The following TXNDC8 variants were observed in gnomAD, a reference collection of about 807,000 sequenced individuals.
TXNDC8 encodes the protein thioredoxin domain containing 8, also known as thioredoxin domain-containing protein 8.
TXNDC8 carries 15 observed loss-of-function variants against 12.9 expected under a neutral mutation model. That is an observed-to-expected ratio of 1.16 (90% CI 0.78 to 1.79). The LOEUF is 1.79. Among genes scored for constraint, TXNDC8 ranks in the 40% most tolerant of loss-of-function variants. The pLI, the probability that TXNDC8 is intolerant of heterozygous loss-of-function variation, is 0.00. For missense variants in TXNDC8, 128 were observed against 113.2 expected (o/e 1.13, Z -0.59); for synonymous variants, 40 against 35.4 (o/e 1.13, Z -0.46).
chr9:110,307,118 T>A (rs1040326796), intron 3 of TXNDC8, among the ~76,000 whole-genome samples: 10 of 151,164 alleles, frequency 6.6e-5, no homozygotes, highest in East Asian at 1.9e-4. Flanking sequence ...TTTTTTTTTT[T>A]AATTTTTAAA....
chr9:110,320,832 A>G (rs558703387), intron 3 of TXNDC8, among the ~76,000 whole-genome samples: 1 of 152,204 alleles, frequency 6.6e-6, no homozygotes, highest in African/African-American at 2.4e-5. Context: ...CACCACAATT[A>G]ATCTTCCTGA....
intron 3 of TXNDC8, among the ~76,000 whole-genome samples, chr9:110,317,959 T>C (rs1353550439): frequency 6.6e-6 from 1 of 152,254 alleles, no homozygotes; most frequent in East Asian, 1.9e-4. Flanking sequence ...GACCATGCCA[T>C]GCTGGCGTGT....
intron 4 of TXNDC8, among the ~76,000 whole-genome samples, 198 bp downstream of exon 5, chr9:110,304,269 G>T (rs1838340879): frequency 2.6e-5 from 4 of 152,208 alleles, no homozygotes; most frequent in African/African-American, 7.2e-5. Flanking sequence ...CACCAGGAAT[G>T]GTGTTAGGAC....
At chr9:110,307,260 T>G (rs930074785) in intron 3 of TXNDC8, among the ~76,000 whole-genome samples, 1 of 152,090 alleles carries the variant, frequency 6.6e-6, no homozygotes, top group Non-Finnish European at 1.5e-5. Flanking sequence ...GCTTTATAGT[T>G]TTAGTATCTA....
At chr9:110,305,604 T>TC (rs1838422934) in intron 3 of TXNDC8, among the ~76,000 whole-genome samples, 1 of 128,922 alleles carries the variant, frequency 7.8e-6, no homozygotes, top group African/African-American at 3.7e-5. Flanking sequence ...CTTTCTTTCT[T>TC]TCTTTCTTTT....
chr9:110,306,972 C>T (rs999841512), intron 3 of TXNDC8, among the ~76,000 whole-genome samples: 3 of 151,996 alleles, frequency 2.0e-5, no homozygotes, highest in African/African-American at 2.4e-5. Context: ...GATGAGGTCT[C>T]GCTCTGTCAC....
intron 4 of TXNDC8, 50 bp downstream of exon 5, chr9:110,304,417 T>C (rs1372702794): frequency 1.3e-6 from 2 of 1,535,432 alleles, no homozygotes; most frequent in Non-Finnish European, 1.8e-6. Context: ...ATTTATTCCT[T>C]CAAAGTAAAC....
chr9:110,311,521 G>GTATA (rs66474968), intron 3 of TXNDC8, among the ~76,000 whole-genome samples: 5,188 of 40,746 alleles, frequency 0.13, 721 homozygotes, highest in Middle Eastern at 0.25. Flanking sequence ...AAATAAAGAG[G>GTATA]TATATATATA....
intron 2 of TXNDC8, among the ~76,000 whole-genome samples, chr9:110,331,921 G>A (rs1304588986): frequency 6.6e-6 from 1 of 152,024 alleles, no homozygotes; most frequent in Non-Finnish European, 1.5e-5. Flanking sequence ...TGGGGGTTGG[G>A]GACCCCTGAT....
chr9:110,328,762 C>T (rs956695777), intron 2 of TXNDC8, among the ~76,000 whole-genome samples: 6 of 152,236 alleles, frequency 3.9e-5, no homozygotes, highest in Non-Finnish European at 7.3e-5. Context: ...GCCAAGATCA[C>T]GCCATTGCAC....
rs748736186 is a variant in TXNDC8 at position 110,334,235 on chromosome 9, C to T, written c.110G>A (p.Arg37Lys). 3 of 1,612,662 alleles carry T rather than the reference C, an allele frequency of 1.9e-6. No homozygotes were observed. The highest frequency in any genetic ancestry group is 1.3e-5 in the African/African-American group (1 of 74,900). Residue 37 changes from arginine (R) to lysine (K), a missense_variant, in exon 2 of 5, where the codon AGG becomes AAG. Arg to Lys is a conservative substitution (Grantham distance 26). Coordinates refer to ENST00000423740, the MANE Select transcript of TXNDC8 (RefSeq NM_001286946.2). ...ACTCACATGGAAAACAGGAAACATC[C>T]TTTTGCAGGGACCACACCGTTTCGA...
intron 3 of TXNDC8, among the ~76,000 whole-genome samples, chr9:110,321,511 C>G (rs1015765107): frequency 3.6e-4 from 54 of 152,088 alleles, no homozygotes; most frequent in African/African-American, 1.3e-3. Context: ...TGTAAGAAGC[C>G]TTAATAGGAA....
intron 3 of TXNDC8, among the ~76,000 whole-genome samples, chr9:110,306,312 A>G (rs538987304): frequency 6.6e-6 from 1 of 152,302 alleles, no homozygotes; most frequent in Admixed American, 6.5e-5. Context: ...ACCAAATTCC[A>G]TATGTTTTAC....
intron 3 of TXNDC8, among the ~76,000 whole-genome samples, chr9:110,321,612 T>A (rs1839096640): frequency 6.6e-6 from 1 of 150,554 alleles, no homozygotes; most frequent in Non-Finnish European, 1.5e-5. Context: ...CTGTCCCAGA[T>A]AAAAGAGAGG....
At chr9:110,325,024 A>G (rs1018057057) in intron 3 of TXNDC8, among the ~76,000 whole-genome samples, 3 of 152,182 alleles carry the variant, frequency 2.0e-5, no homozygotes, top group Admixed American at 6.5e-5. Context: ...AAGTAGGAAA[A>G]TAGCTTGAAC....
rs1234242003 is a variant in TXNDC8 at position 110,305,858 on chromosome 9, T to TCC, written c.196-1327_196-1326insGG. 3.8e-4 allele frequency among the ~76,000 whole-genome samples: 32 copies of TCC among 83,320 alleles called. 2 individuals carry two copies. Among genetic ancestry groups the TCC allele is most frequent in the South Asian group, 1.9e-3 (5 of 2,658 alleles). 54.7% of individuals were successfully genotyped at this position (83,320 alleles called of 152,430 possible). A position where few individuals can be genotyped will look rare whatever the true frequency, so the allele number is the denominator to read the frequency against. ...TTTCCTTTCTTTTCTTTTCTTTCTT[T>TCC]TTCTTTTCTTTTCTTTTCTTTTTTT... On this transcript the variant is annotated intron_variant, in intron 3 of 4. Transcript: ENST00000423740.
intron 3 of TXNDC8, among the ~76,000 whole-genome samples, chr9:110,310,917 G>C (rs1288948769): frequency 6.6e-6 from 1 of 152,218 alleles, no homozygotes; most frequent in Non-Finnish European, 1.5e-5. Flanking sequence ...ATTGATATTG[G>C]TTTAATGAAA....
intron 2 of TXNDC8, among the ~76,000 whole-genome samples, chr9:110,333,626 G>T (rs1051835105): frequency 6.6e-6 from 1 of 152,136 alleles, no homozygotes; most frequent in African/African-American, 2.4e-5. Flanking sequence ...TCATTTGGAG[G>T]TGATGGATTT....
intron 3 of TXNDC8, among the ~76,000 whole-genome samples, chr9:110,307,623 G>A (rs988499128): frequency 1.3e-5 from 2 of 152,158 alleles, no homozygotes; most frequent in Non-Finnish European, 2.9e-5. Context: ...AAGTCAAGCT[G>A]GAACTACTTA....
Sources: allele counts gnomAD v4.1 joint callset (sites outside exome capture counted in the v4.1 genomes callset), GRCh38; gene constraint gnomAD v4.1.1; transcripts MANE v1.5; gene names NCBI Gene and HGNC (gene_info 2026-07-23, HGNC 2026-07-21).